The following ST3GAL3 variants were observed in gnomAD, a reference collection of about 807,000 sequenced individuals.
The protein encoded by ST3GAL3 is CMP-N-acetylneuraminate-beta-1,4-galactoside alpha-2,3-sialyltransferase.
A neutral mutation model predicts 50.1 loss-of-function variants in ST3GAL3; 21 were observed. That is an observed-to-expected ratio of 0.42 (90% CI 0.30 to 0.60). The LOEUF (loss-of-function observed/expected upper bound fraction) is 0.60, where lower values mean the gene tolerates loss of function less well. Among genes scored for constraint, ST3GAL3 ranks in the 20% least tolerant of loss-of-function variants. The pLI, the probability that ST3GAL3 is intolerant of heterozygous loss-of-function variation, is 0.19. For synonymous variants in ST3GAL3, 183 were observed against 190.0 expected, an observed-to-expected ratio of 0.96 and a Z score of 0.30; for missense variants, 353 against 489.4, an observed-to-expected ratio of 0.72 and a Z score of 2.63.
intron 2 of ST3GAL3, among the ~76,000 whole-genome samples, chr1:43,781,199 C>G (rs1381310720): frequency 6.6e-6 from 1 of 151,772 alleles, no homozygotes; most frequent in Admixed American, 6.6e-5. Flanking sequence ...GCAGTCGTTT[C>G]TGTCACTTGG....
intron 11 of ST3GAL3, among the ~76,000 whole-genome samples, chr1:43,924,157 C>T (rs2083506754): frequency 6.6e-6 from 1 of 152,158 alleles, no homozygotes; most frequent in South Asian, 2.1e-4. Context: ...TAGAAACAGC[C>T]TTCCAGCTGG....
At chr1:43,832,016 G>A (rs1238785029) in intron 4 of ST3GAL3, among the ~76,000 whole-genome samples, 11 of 152,092 alleles carry the variant, frequency 7.2e-5, no homozygotes, top group Admixed American at 7.2e-4. Context: ...CTTCTCTTGT[G>A]TCTTTCACTA....
At chr1:43,723,608 A>G (rs2154075732) in intron 1 of ST3GAL3, among the ~76,000 whole-genome samples, 1 of 151,154 alleles carries the variant, frequency 6.6e-6, no homozygotes, top group South Asian at 2.1e-4. Context: ...ACCAGTCTCA[A>G]GTATTTCTTT....
chr1:43,790,587 G>A (rs2057933082), intron 2 of ST3GAL3, among the ~76,000 whole-genome samples: 1 of 150,692 alleles, frequency 6.6e-6, no homozygotes, highest in Non-Finnish European at 1.5e-5. Context: ...CAGCTGCTTA[G>A]TATAGAAATG....
At chr1:43,837,958 G>A (rs1411458489) in intron 4 of ST3GAL3, among the ~76,000 whole-genome samples, 1 of 151,924 alleles carries the variant, frequency 6.6e-6, no homozygotes. Context: ...AGTGCTGATT[G>A]TAGGGAATGA....
chr1:43,743,302 G>A (rs544619623), intron 2 of ST3GAL3, among the ~76,000 whole-genome samples: 1 of 151,724 alleles, frequency 6.6e-6, no homozygotes, highest in South Asian at 2.1e-4. Context: ...AAAAACCTAG[G>A]TACATCATAG....
chr1:43,768,538 C>CAGT (rs886809071), intron 2 of ST3GAL3, among the ~76,000 whole-genome samples: 3 of 152,100 alleles, frequency 2.0e-5, no homozygotes, highest in African/African-American at 7.2e-5. Flanking sequence ...GCACAAGTGC[C>CAGT]AGTGAACAAT....
At chr1:43,712,300 G>T (rs1665162487) in intron 1 of ST3GAL3, among the ~76,000 whole-genome samples, 1 of 152,142 alleles carries the variant, frequency 6.6e-6, no homozygotes, top group Admixed American at 6.6e-5. Flanking sequence ...AGGTAGAAGG[G>T]TTCCCCTGGA....
intron 3 of ST3GAL3, among the ~76,000 whole-genome samples, chr1:43,802,095 C>G (rs1363958078): frequency 6.6e-6 from 1 of 152,064 alleles, no homozygotes; most frequent in East Asian, 1.9e-4. Flanking sequence ...ATTGCTATAC[C>G]ATAAAAATCT....
intron 5 of ST3GAL3, among the ~76,000 whole-genome samples, chr1:43,853,608 G>A (rs148688870): frequency 6.6e-6 from 1 of 152,356 alleles, no homozygotes; most frequent in Non-Finnish European, 1.5e-5. Context: ...ATGCCTGGTG[G>A]TAGCTAATGA....
intron 1 of ST3GAL3, among the ~76,000 whole-genome samples, chr1:43,733,168 A>C (rs1676676375): frequency 6.6e-6 from 1 of 151,898 alleles, no homozygotes; most frequent in South Asian, 2.1e-4. Flanking sequence ...CTAATCTTAA[A>C]ATTTTTTGTA....
rs1481099841 is a variant in ST3GAL3 at position 43,768,332 on chromosome 1, C to G, written c.119-23770C>G. Among the ~76,000 whole-genome samples, 3 of 152,194 alleles carry G rather than the reference C, an allele frequency of 2.0e-5. No homozygotes were observed. The East Asian group carries it at 5.8e-4, about 29-fold the overall frequency. On this transcript the variant is annotated intron_variant, in intron 2 of 11. Transcript: ENST00000347631. ...GTACATGCCTGCAGTCCTAGCTACT[C>G]CAGGTGGCTGAAGCAGGAGACTCAC...
intron 9 of ST3GAL3, among the ~76,000 whole-genome samples, chr1:43,906,148 C>T (rs1364172966): frequency 2.4e-5 from 3 of 122,818 alleles, no homozygotes; most frequent in Non-Finnish European, 5.1e-5. Flanking sequence ...CACCACTGTT[C>T]CTCCCCCTCC....
intron 1 of ST3GAL3, among the ~76,000 whole-genome samples, chr1:43,710,552 C>G (rs1664185140): frequency 1.3e-5 from 2 of 152,224 alleles, no homozygotes; most frequent in African/African-American, 2.4e-5. Context: ...GAATGGCTCC[C>G]CATTATCTGT....
chr1:43,713,823 A>G (rs1665978156), intron 1 of ST3GAL3, among the ~76,000 whole-genome samples: 1 of 152,186 alleles, frequency 6.6e-6, no homozygotes. Flanking sequence ...CGCGTGAGCC[A>G]CTACGGCCAG....
intron 4 of ST3GAL3, among the ~76,000 whole-genome samples, chr1:43,817,859 C>CTCT (rs1331265676): frequency 1.5e-5 from 2 of 135,096 alleles, no homozygotes; most frequent in African/African-American, 2.7e-5. Context: ...TCTCCTCCTC[C>CTCT]TCCTCTTCCT....
chr1:43,825,599 A>G (rs1210045838), intron 4 of ST3GAL3, among the ~76,000 whole-genome samples: 1 of 152,250 alleles, frequency 6.6e-6, no homozygotes, highest in Non-Finnish European at 1.5e-5. Flanking sequence ...AGAAGTCTGG[A>G]GGAATGGGCA....
intron 2 of ST3GAL3, among the ~76,000 whole-genome samples, chr1:43,773,272 T>C (rs138259623): frequency 1.1e-4 from 16 of 152,254 alleles, no homozygotes; most frequent in African/African-American, 3.9e-4. Flanking sequence ...CTACCTGTGA[T>C]TTTTTTGTTT....
intron 1 of ST3GAL3, chr1:43,716,673 T>C (rs11210905): frequency 0.26 from 39,637 of 152,114 alleles, 6,487 homozygotes; most frequent in East Asian, 0.49. Context: ...CTCTACACTG[T>C]GGAATTTTCA....
Sources: allele counts gnomAD v4.1 joint callset (sites outside exome capture counted in the v4.1 genomes callset), GRCh38; gene constraint gnomAD v4.1.1; transcripts MANE v1.5; gene names NCBI Gene and HGNC (gene_info 2026-07-23, HGNC 2026-07-21).